Variants in BAHCC1 observed in about 807,000 individuals in gnomAD.
The protein encoded by BAHCC1 is BAH domain and coiled-coil containing 1, also known as BAH and coiled-coil domain-containing protein 1.
Under a neutral mutation model 88.2 loss-of-function variants are expected in BAHCC1, and 43 were observed. That is an observed-to-expected ratio of 0.49 (90% CI 0.38 to 0.63). The LOEUF (loss-of-function observed/expected upper bound fraction) is 0.63. Among genes scored for constraint, BAHCC1 ranks in the 20% least tolerant of loss-of-function variants. BAHCC1 has a pLI of 0.00. For synonymous variants in BAHCC1, 1,510 were observed against 745.5 expected (o/e 2.03, Z -16.71); for missense variants, 3,023 against 1,654.8 (o/e 1.83, Z -14.34).
intron 5 of BAHCC1, 116 bp downstream of exon 5, chr17:81,443,680 G>T (rs781977316): frequency 6.3e-6 from 4 of 637,006 alleles, no homozygotes; most frequent in Non-Finnish European, 1.1e-5. Context: ...ACCCTCCGAG[G>T]CCCCAGGACC....
Position 81,452,020 on chromosome 17 carries a change from G to T in BAHCC1, c.4229G>T (p.Gly1410Val). The change falls in exon 13 of 28, where the codon GGG (glycine) becomes GTG (valine). Residue 1410 changes from glycine (G) to valine (V), a missense_variant. Gly to Val is a moderately radical substitution (Grantham distance 109). Transcript: ENST00000675386. ...AIDRLDTQEVGMRVRLAELQR... is the reference protein window; with the variant it reads ...AIDRLDTQEVVMRVRLAELQR... Reference sequence around the variant, plus strand: ...GACCGGCTGGACACGCAGGAGGTGGGGATGCGCGTGCGGCTGGCGGAGCTG... The same window carrying T: ...GACCGGCTGGACACGCAGGAGGTGGTGATGCGCGTGCGGCTGGCGGAGCTG... 1 of 636,244 alleles carries T rather than the reference G, an allele frequency of 1.6e-6. No homozygotes were observed. Among genetic ancestry groups the T allele is most frequent in the Non-Finnish European group, 2.8e-6 (1 of 358,716 alleles). The allele number at this position is 636,244 out of a possible 1,614,324, so 39.4% of individuals were successfully genotyped here.
chr17:81,430,874 G>A (rs1283917269), intron 3 of BAHCC1, among the ~76,000 whole-genome samples: 1 of 152,062 alleles, frequency 6.6e-6, no homozygotes, highest in African/African-American at 2.4e-5. Context: ...TATGTGGGGG[G>A]TGTGGCCCTT....
At chr17:81,404,482 C>T (rs1178703656) in intron 2 of BAHCC1, among the ~76,000 whole-genome samples, 4 of 152,208 alleles carry the variant, frequency 2.6e-5, no homozygotes, top group Admixed American at 6.5e-5. Flanking sequence ...GAGGCTGGGG[C>T]TCCTGGCAGC....
At chr17:81,400,396 A>G (rs1265338490) in intron 2 of BAHCC1, among the ~76,000 whole-genome samples, 1 of 152,236 alleles carries the variant, frequency 6.6e-6, no homozygotes, top group East Asian at 1.9e-4. Context: ...GAGCGTTAAT[A>G]GGGACTGCTG....
At chr17:81,447,932 A>G in intron 11 of BAHCC1, 84 bp downstream of exon 11, 3 of 691,476 alleles carry the variant, frequency 4.3e-6, no homozygotes, top group Non-Finnish European at 8.0e-6. Context: ...GCCAGACGGC[A>G]GCCTTGGGCC....
intron 2 of BAHCC1, among the ~76,000 whole-genome samples, chr17:81,405,535 C>G (rs782709833): frequency 6.6e-5 from 10 of 152,174 alleles, no homozygotes; most frequent in Non-Finnish European, 1.2e-4. Flanking sequence ...GGCCTTCTAA[C>G]TCCCAAAGGA....
At chr17:81,445,330 C>T (rs782325824) in intron 9 of BAHCC1, 24 bp from the exon 10 acceptor site, 17 of 760,558 alleles carry the variant, frequency 2.2e-5, no homozygotes, top group African/African-American at 2.1e-4. Flanking sequence ...TGAGCCTGAC[C>T]GAGCTTGCCC....
chr17:81,419,786 G>A (rs1450802352), intron 2 of BAHCC1, among the ~76,000 whole-genome samples: 2 of 145,452 alleles, frequency 1.4e-5, no homozygotes, highest in African/African-American at 2.5e-5. Flanking sequence ...ATCTCAACGA[G>A]GCGTTTTTTT....
Position 81,444,793 on chromosome 17 carries a change from G to A in BAHCC1, c.2638G>A (p.Glu880Lys). Residue 880 changes from glutamate to lysine, a missense_variant, in exon 8 of 28, where the codon GAG becomes AAG. Coordinates refer to ENST00000675386, the MANE Select transcript of BAHCC1 (RefSeq NM_001377448.1). ...APTQLVILPS[E>K]PTPHSAPHAL... is the part of the protein sequence containing the mutation. ...CACACAGCTGGTCATCCTGCCCTCA[G>A]AGCCCACACCCCACAGCGCCCCCCA... is the stretch of plus-strand genomic sequence containing the variant. The A allele has an allele frequency of 1.3e-6, 1 of 778,396 alleles. No individual in the cohort carries two copies. The highest frequency in any genetic ancestry group is 1.3e-5 in the South Asian group (1 of 74,534). 48.2% of individuals were successfully genotyped at this position (778,396 alleles called of 1,614,324 possible).
chr17:81,399,915 C>A lies in BAHCC1; in HGVS notation c.176C>A (p.Thr59Lys). The A allele has an allele frequency of 1.4e-6, 2 of 1,427,866 alleles. No homozygotes were observed. The highest frequency in any genetic ancestry group is 1.4e-5 in the South Asian group (1 of 70,484). The allele number at this position is 1,427,866 out of a possible 1,614,324, so 88.4% of individuals were successfully genotyped here. ...TCGCCGTTGCCCATGGCTTCGCACA[C>A]AGGTCAGTGCTCGGCCGGGGCGGGC... ...FPSPLPMASHTASSRLMGSSP... is the reference protein window; with the variant it reads ...FPSPLPMASHKASSRLMGSSP... The change falls in exon 2 of 28, where the codon ACA (threonine) becomes AAA (lysine). Residue 59 changes from threonine to lysine, a missense_variant and splice_region_variant. Physicochemically the swap from Thr to Lys is moderately conservative, Grantham distance 78 (BLOSUM62 -1). Coordinates refer to ENST00000675386, the MANE Select transcript of BAHCC1 (RefSeq NM_001377448.1). The surrounding 1 kb of genome is among the most constrained non-coding windows in gnomAD (Gnocchi z 4.5).
chr17:81,421,094 C>T (rs1555649537), intron 2 of BAHCC1, among the ~76,000 whole-genome samples: 1 of 152,250 alleles, frequency 6.6e-6, no homozygotes, highest in East Asian at 1.9e-4. Context: ...GGAGGTGCCA[C>T]TGCAGGCAGT....
In BAHCC1 at chr17:81,443,502, G is replaced by A. The variant is rs537560813; in HGVS notation, c.2153G>A (p.Arg718Gln). 83 of 700,152 alleles carry A rather than the reference G, an allele frequency of 1.2e-4. No homozygotes were observed. In the East Asian group the frequency reaches 1.3e-3, roughly 11 times the overall value. 43.4% of individuals were successfully genotyped at this position (700,152 alleles called of 1,614,324 possible). Residue 718 changes from arginine (R) to glutamine (Q), a missense_variant, in exon 5 of 28, where the codon CGG becomes CAG. Arg to Gln is a conservative substitution (Grantham distance 43, BLOSUM62 1). Coordinates refer to ENST00000675386, the MANE Select transcript of BAHCC1 (RefSeq NM_001377448.1). The part of the protein sequence containing the change: ...ALARQKDTVS[R>Q]SEAAYGTNTA... Reference sequence around the variant, plus strand: ...GCCCGGCAGAAGGACACAGTGAGCCGGTCTGAGGCAGCCTACGGCACCAAC... The same window carrying A: ...GCCCGGCAGAAGGACACAGTGAGCCAGTCTGAGGCAGCCTACGGCACCAAC...
chr17:81,437,176 C>T (rs1555651861), intron 3 of BAHCC1, among the ~76,000 whole-genome samples: 1 of 152,220 alleles, frequency 6.6e-6, no homozygotes, highest in Non-Finnish European at 1.5e-5. Context: ...CGCCCAGCTG[C>T]GTTCATTCCG....
rs1279247094 is a variant in BAHCC1, at chr17:81,411,134, A to G, written c.178+11217A>G. ...CCGCAGCCGTCCTCTGCGTGAGTCCATTCATCACGTGCCTGCAGGTGCCTG... is the reference window on the plus strand; with the variant it reads ...CCGCAGCCGTCCTCTGCGTGAGTCCGTTCATCACGTGCCTGCAGGTGCCTG... On this transcript the variant is annotated intron_variant, in intron 2 of 27. Coordinates refer to ENST00000675386, the MANE Select transcript of BAHCC1 (RefSeq NM_001377448.1). The surrounding 1 kb of genome is among the most constrained non-coding windows in gnomAD (Gnocchi z 6.2). The G allele has an allele frequency of 3.9e-6, 2 of 519,054 alleles. No homozygotes were observed. The highest frequency in any genetic ancestry group is 1.4e-5 in the South Asian group (1 of 71,554). The allele number at this position is 519,054 out of a possible 1,614,324, so 32.2% of individuals were successfully genotyped here.
intron 2 of BAHCC1, among the ~76,000 whole-genome samples, chr17:81,416,543 G>A (rs1444906541): frequency 5.2e-5 from 6 of 114,950 alleles, no homozygotes; most frequent in Admixed American, 3.0e-4. Flanking sequence ...GTGCGTGTTT[G>A]TGTGTACATG....
chr17:81,421,572 G>A (rs1178168249), intron 2 of BAHCC1, among the ~76,000 whole-genome samples: 2 of 152,212 alleles, frequency 1.3e-5, no homozygotes, highest in Admixed American at 1.3e-4. Flanking sequence ...AGGGCCTGCA[G>A]AATCTGCTTC....
intron 3 of BAHCC1, among the ~76,000 whole-genome samples, chr17:81,430,407 G>A (rs1382415982): frequency 1.3e-5 from 2 of 152,126 alleles, no homozygotes; most frequent in Non-Finnish European, 2.9e-5. Flanking sequence ...CTGGCTCTCC[G>A]CCTGGCCGGC....
chr17:81,458,366 C>G lies in BAHCC1; in HGVS notation c.5243C>G (p.Pro1748Arg). The change falls in exon 18 of 28, where the codon CCC becomes CGC. Residue 1748 changes from proline to arginine, a missense_variant. Physicochemically the swap from Pro to Arg is moderately radical, Grantham distance 103. Transcript: ENST00000675386. Reference sequence around the variant, plus strand: ...CCCAGCAGGGACGCCCTCTTCAACCCCTCTCGGGCCTTCGCCTGCCGTGAG... The same window carrying G: ...CCCAGCAGGGACGCCCTCTTCAACCGCTCTCGGGCCTTCGCCTGCCGTGAG... ...ATPSRDALFN[P>R]SRAFACREEG... is the part of the protein sequence containing the mutation. 1.4e-6 allele frequency: 1 copy of G among 726,676 alleles called. No homozygotes were observed. Among genetic ancestry groups the G allele is most frequent in the Non-Finnish European group, 2.5e-6 (1 of 394,624 alleles). 45.0% of individuals were successfully genotyped at this position (726,676 alleles called of 1,614,324 possible).
intron 3 of BAHCC1, among the ~76,000 whole-genome samples, chr17:81,433,571 G>A (rs909249454): frequency 1.1e-4 from 17 of 149,218 alleles, no homozygotes; most frequent in African/African-American, 4.2e-4. Context: ...CTTAGGGCAG[G>A]TGTCATCAGT....
Sources: allele counts gnomAD v4.1 joint callset (sites outside exome capture counted in the v4.1 genomes callset), GRCh38; gene constraint gnomAD v4.1.1; non-coding constraint Gnocchi (gnomAD v3.1); transcripts MANE v1.5; gene names NCBI Gene and HGNC (gene_info 2026-07-23, HGNC 2026-07-21).